ADAMTS6: variants seen among roughly 807,000 people sequenced by gnomAD.
The protein encoded by ADAMTS6 is A disintegrin and metalloproteinase with thrombospondin motifs 6.
A neutral mutation model predicts 144.3 loss-of-function variants in ADAMTS6; 23 were observed. The ratio of observed to expected loss-of-function variants is 0.16; its 90% CI spans 0.11 to 0.23. The LOEUF (loss-of-function observed/expected upper bound fraction) is 0.23, where lower values mean the gene tolerates loss of function less well. ADAMTS6 is among the 10% of genes least tolerant of loss of function. The pLI, the probability that ADAMTS6 is intolerant of heterozygous loss-of-function variation, is 1.00. For synonymous variants in ADAMTS6, 444 were observed against 457.5 expected (o/e 0.97, Z 0.38); for missense variants, 999 against 1,379.6 (o/e 0.72, Z 4.37).
At chr5:65,409,882 A>G (rs1754905210) in intron 7 of ADAMTS6, among the ~76,000 whole-genome samples, 1 of 152,190 alleles carries the variant, frequency 6.6e-6, no homozygotes, top group Non-Finnish European at 1.5e-5. Flanking sequence ...TATAAACAGA[A>G]CCAAAGACAA....
chr5:65,163,449 T>C (rs1282521997), intron 24 of ADAMTS6, among the ~76,000 whole-genome samples: 1 of 152,146 alleles, frequency 6.6e-6, no homozygotes, highest in East Asian at 1.9e-4. Context: ...GTATAATAAG[T>C]GCATTGTGTT....
chr5:65,319,474 G>C (rs1018577475), intron 9 of ADAMTS6, among the ~76,000 whole-genome samples: 12 of 148,812 alleles, frequency 8.1e-5, no homozygotes, highest in African/African-American at 2.7e-4. Context: ...AAGCTCAGGA[G>C]TTGGAGACCA....
chr5:65,332,287 GTATA>G (rs367547551), intron 8 of ADAMTS6, among the ~76,000 whole-genome samples: 9,301 of 117,742 alleles, frequency 0.079, 419 homozygotes, highest in South Asian at 0.15. Flanking sequence ...GACAGTGAGG[GTATA>G]TATATATATA....
At chr5:65,253,557 T>C (rs1011049149) in intron 14 of ADAMTS6, among the ~76,000 whole-genome samples, 42 of 152,168 alleles carry the variant, frequency 2.8e-4, no homozygotes, top group Admixed American at 6.5e-5. Context: ...TATTAAATTA[T>C]GTAAAATATA....
rs1287077004 is a variant in ADAMTS6, at chr5:65,473,866, T to A, written c.-193A>T. On this transcript the variant is annotated 5_prime_UTR_variant, in exon 2 of 25. Transcript: ENST00000381055. ...TCTATATCTGGATTCATTTTCTCAATCCAAAATGAAAAAAATAATGATGGT... is the reference window on the plus strand; with the variant it reads ...TCTATATCTGGATTCATTTTCTCAAACCAAAATGAAAAAAATAATGATGGT... 6 of 490,830 alleles carry A rather than the reference T, an allele frequency of 1.2e-5. No individual in the cohort carries two copies. Among genetic ancestry groups the A allele is most frequent in the African/African-American group, 5.8e-5 (3 of 51,726 alleles). The allele number at this position is 490,830 out of a possible 1,614,324, so 30.4% of individuals were successfully genotyped here.
intron 7 of ADAMTS6, among the ~76,000 whole-genome samples, chr5:65,398,004 C>T (rs1753502006): frequency 6.6e-6 from 1 of 151,358 alleles, no homozygotes; most frequent in Non-Finnish European, 1.5e-5. Context: ...TGTATGATAT[C>T]TATTCTTTTA....
intron 7 of ADAMTS6, among the ~76,000 whole-genome samples, chr5:65,420,739 G>C (rs1175088068): frequency 2.0e-5 from 3 of 152,120 alleles, no homozygotes; most frequent in Non-Finnish European, 2.9e-5. Flanking sequence ...ACAATATAAA[G>C]TATTAGATGT....
At chr5:65,295,380 GCTA>G (rs1342898126) in intron 10 of ADAMTS6, among the ~76,000 whole-genome samples, 1 of 151,940 alleles carries the variant, frequency 6.6e-6, no homozygotes, top group Non-Finnish European at 1.5e-5. Context: ...TGTTATTTAT[GCTA>G]CTATCAAAAT....
chr5:65,153,542 G>C (rs1319958524), intron 24 of ADAMTS6, among the ~76,000 whole-genome samples: 1 of 152,226 alleles, frequency 6.6e-6, no homozygotes, highest in East Asian at 1.9e-4. Context: ...TATGGGATAA[G>C]TGTAGGATAC....
chr5:65,372,620 A>G (rs1454082097), intron 7 of ADAMTS6, among the ~76,000 whole-genome samples: 2 of 151,688 alleles, frequency 1.3e-5, no homozygotes, highest in Non-Finnish European at 1.5e-5. Context: ...GTCCTGAGTG[A>G]CCTACAAAGA....
intron 7 of ADAMTS6, among the ~76,000 whole-genome samples, chr5:65,422,245 A>G (rs1756109926): frequency 6.6e-6 from 1 of 152,276 alleles, no homozygotes; most frequent in South Asian, 2.1e-4. Flanking sequence ...AGATCAGCAA[A>G]TTAAAATCAC....
At chr5:65,285,511 T>C (rs147317215) in intron 11 of ADAMTS6, among the ~76,000 whole-genome samples, 1 of 152,310 alleles carries the variant, frequency 6.6e-6, no homozygotes, top group African/African-American at 2.4e-5. Flanking sequence ...ACTCCCATTA[T>C]AATTATCAGC....
At chr5:65,330,755 C>T (rs75503695) in intron 8 of ADAMTS6, among the ~76,000 whole-genome samples, 1,666 of 152,010 alleles carry the variant, frequency 0.011, 19 homozygotes, top group Non-Finnish European at 0.015. Flanking sequence ...CTGTTTTATG[C>T]GAGACAGGCA....
chr5:65,334,036 A>AAAAAAAACC lies in ADAMTS6; in HGVS notation c.1117+5_1117+6insGGTTTTTTT. The AAAAAAAACC allele has an allele frequency of 6.9e-7, 1 of 1,438,986 alleles. No individual in the cohort carries two copies. Among genetic ancestry groups the AAAAAAAACC allele is most frequent in the Non-Finnish European group, 9.1e-7 (1 of 1,098,208 alleles). 89.1% of individuals were successfully genotyped at this position (1,438,986 alleles called of 1,614,324 possible). The stretch of plus-strand genomic sequence containing the variant: ...AAAAAAAAAAAAAAAACCAAAAAAA[A>AAAAAAAACC]CTTACCCAGTGTTCCACAGGGCTTA... On this transcript the variant is annotated splice_donor_region_variant and intron_variant, in intron 8 of 24. Coordinates refer to ENST00000381055, the MANE Select transcript of ADAMTS6 (RefSeq NM_197941.4).
intron 21 of ADAMTS6, 101 bp from the exon 22 acceptor site, chr5:65,188,321 C>T: frequency 9.1e-7 from 1 of 1,096,756 alleles, no homozygotes. Context: ...TACGAGCTGA[C>T]ATTTCAATGT....
At chr5:65,257,282 G>C (rs999377537) in intron 14 of ADAMTS6, among the ~76,000 whole-genome samples, 1 of 151,926 alleles carries the variant, frequency 6.6e-6, no homozygotes, top group African/African-American at 2.4e-5. Context: ...AGTCAAGTTA[G>C]GCACACACTC....
Position 65,151,730 on chromosome 5 carries a change from G to T in ADAMTS6, c.*106C>A. On this transcript the variant is annotated 3_prime_UTR_variant, in exon 25 of 25. Transcript: ENST00000381055. ...TGACCAGTGGTTACGTTTTCCACAG[G>T]GTAATGCATTTGCAAGGACATCAAT... 1 of 963,286 alleles carries T rather than the reference G, an allele frequency of 1.0e-6. No homozygotes were observed. The highest frequency in any genetic ancestry group is 1.6e-6 in the Non-Finnish European group (1 of 618,506). 59.7% of individuals were successfully genotyped at this position (963,286 alleles called of 1,614,324 possible).
At chr5:65,314,173 ACT>A (rs1744763897) in intron 9 of ADAMTS6, among the ~76,000 whole-genome samples, 1 of 152,018 alleles carries the variant, frequency 6.6e-6, no homozygotes, top group Non-Finnish European at 1.5e-5. Context: ...AGTGATGAAA[ACT>A]CTTAAGAAAA....
intron 22 of ADAMTS6, among the ~76,000 whole-genome samples, chr5:65,184,475 T>C (rs907238905): frequency 6.6e-6 from 1 of 152,216 alleles, no homozygotes; most frequent in East Asian, 1.9e-4. Context: ...ACATACGTAC[T>C]ATAAAGTCAG....
Sources: gnomAD v4.1 joint callset for allele counts (sites outside exome capture counted in the v4.1 genomes callset) on GRCh38, gnomAD v4.1.1 for gene constraint, MANE v1.5 for transcripts, NCBI Gene and HGNC (gene_info 2026-07-23, HGNC 2026-07-21) for gene names.